SPTBN5: variants seen among roughly 807,000 people sequenced by gnomAD.
SPTBN5 encodes spectrin beta chain, non-erythrocytic 5.
SPTBN5 carries 513 observed loss-of-function variants against 477.6 expected under a neutral mutation model. The ratio of observed to expected loss-of-function variants is 1.07; its 90% CI spans 1.00 to 1.16. The LOEUF is 1.16. Ranked by LOEUF, SPTBN5 falls within the 50% of genes most tolerant of loss-of-function variation. The probability of loss-of-function intolerance (pLI) is 0.00; values close to 1 mark genes in which losing one functional copy is unlikely to be tolerated. For synonymous variants in SPTBN5, 2,169 were observed against 2,011.7 expected (o/e 1.08, Z -2.09); for missense variants, 5,062 against 4,731.8 (o/e 1.07, Z -2.05).
chr15:41,852,619 C>T lies in SPTBN5; in HGVS notation c.10449+15G>A, dbSNP rs763547787. 43 of 1,612,080 alleles carry T rather than the reference C, an allele frequency of 2.7e-5. No homozygotes were observed. In the Admixed American group the frequency reaches 3.0e-4, roughly 11 times the overall value. On this transcript the variant is annotated intron_variant, in intron 61 of 67. Transcript: ENST00000320955. ...CCCCCACCAGCCCTCAGCCCCTAGC[C>T]GAGGCAGTCGTCACCTCTGTCTTTT... is the stretch of plus-strand genomic sequence containing the variant.
Position 41,854,879 on chromosome 15 carries a change from C to CG in SPTBN5, c.9520dup (p.Arg3174ProfsTer18), listed in dbSNP as rs763599351. On this transcript the variant is annotated frameshift_variant, in exon 56 of 68. Coordinates refer to ENST00000320955, the MANE Select transcript of SPTBN5 (RefSeq NM_016642.4). LOFTEE classifies it high-confidence loss of function. ...GTGGGGATAGCGCCTGGGTGCACCC[C>CG]GCTCCAGGGTGCCTGCCAACTTCCT... The CG allele has an allele frequency of 8.2e-4, 1,327 of 1,609,578 alleles. No individual in the cohort carries two copies. The highest frequency in any genetic ancestry group is 1.2e-3 in the Admixed American group (72 of 59,556).
intron 59 of SPTBN5, 26 bp downstream of exon 59, chr15:41,853,232 C>T (rs755333117): frequency 2.6e-6 from 4 of 1,563,336 alleles, no homozygotes; most frequent in Non-Finnish European, 2.6e-6. Context: ...CCAGCCCAAC[C>T]CCAGGCCCAC....
chr15:41,851,943 C>A, intron 62 of SPTBN5, 93 bp from the exon 63 acceptor site: 1 of 1,091,242 alleles, frequency 9.2e-7, no homozygotes. Context: ...CTTTATTCCT[C>A]CCATCCAAGT....
At position 41,848,277 on chromosome 15, in the gene SPTBN5, C is replaced by G. The variant is rs767338845; in HGVS notation, c.*339G>C. 3.9e-6 allele frequency: 2 copies of G among 508,202 alleles called. No individual in the cohort carries two copies. Among genetic ancestry groups the G allele is most frequent in the African/African-American group, 1.9e-5 (1 of 51,994 alleles). 31.5% of individuals were successfully genotyped at this position (508,202 alleles called of 1,614,324 possible). Reference sequence around the variant, plus strand: ...TCCTCCGAAGAGCACATTCTCTGCACACGTCTGCGTCTACCTGTGCTCAGA... The same window carrying G: ...TCCTCCGAAGAGCACATTCTCTGCAGACGTCTGCGTCTACCTGTGCTCAGA... On this transcript the variant is annotated 3_prime_UTR_variant, in exon 68 of 68. Coordinates refer to ENST00000320955, the MANE Select transcript of SPTBN5 (RefSeq NM_016642.4).
At chr15:41,861,320 G>A in intron 46 of SPTBN5, 99 bp downstream of exon 46, 1 of 1,072,246 alleles carries the variant, frequency 9.3e-7, no homozygotes, top group Non-Finnish European at 1.4e-6. Flanking sequence ...CCGAAGGGGA[G>A]GATCCCTGGC....
intron 24 of SPTBN5, 92 bp from the exon 25 acceptor site, chr15:41,874,137 A>G: frequency 2.6e-6 from 4 of 1,514,286 alleles, no homozygotes; most frequent in Non-Finnish European, 3.6e-6. Context: ...AATCATGGCA[A>G]GACCCCCAGG....
At chr15:41,890,022 G>A in intron 4 of SPTBN5, 67 bp downstream of exon 4, 3 of 989,940 alleles carry the variant, frequency 3.0e-6, no homozygotes, top group Middle Eastern at 2.0e-4. Context: ...TGAATCCCCA[G>A]GGGTCTGAGG....
In SPTBN5 at chr15:41,848,254, C is replaced by G. The variant is rs906425870; in HGVS notation, c.*362G>C. On this transcript the variant is annotated 3_prime_UTR_variant, in exon 68 of 68. Transcript: ENST00000320955. ...CAGAGCTCGCTCATCAGTGTTCTTCCTCCGAAGAGCACATTCTCTGCACAC... is the reference window on the plus strand; with the variant it reads ...CAGAGCTCGCTCATCAGTGTTCTTCGTCCGAAGAGCACATTCTCTGCACAC... 4 of 494,896 alleles carry G rather than the reference C, an allele frequency of 8.1e-6. No individual in the cohort carries two copies. Among genetic ancestry groups the G allele is most frequent in the Non-Finnish European group, 1.5e-5 (4 of 272,290 alleles). The allele number at this position is 494,896 out of a possible 1,614,324, so 30.7% of individuals were successfully genotyped here.
chr15:41,864,728 C>A (rs2066238958), intron 39 of SPTBN5, among the ~76,000 whole-genome samples: 1 of 152,244 alleles, frequency 6.6e-6, no homozygotes, highest in Admixed American at 6.5e-5. Context: ...CACCCCAGGA[C>A]TCGTCTGAGC....
At chr15:41,890,337 C>T (rs2067273126) in intron 3 of SPTBN5, 132 bp from the exon 4 acceptor site, 2 of 655,794 alleles carry the variant, frequency 3.0e-6, no homozygotes, top group Admixed American at 2.4e-5. Flanking sequence ...GGAGTTCCCT[C>T]AGGGAGAAGC....
intron 49 of SPTBN5, 118 bp from the exon 50 acceptor site, chr15:41,857,828 T>C (rs891714816): frequency 3.0e-5 from 38 of 1,260,324 alleles, no homozygotes; most frequent in Non-Finnish European, 3.7e-5. Flanking sequence ...AGCTGCATGA[T>C]CTTGAGCAAC....
At chr15:41,856,804 A>G (rs1397019618) in intron 52 of SPTBN5, 49 bp downstream of exon 52, 1 of 1,501,270 alleles carries the variant, frequency 6.7e-7, no homozygotes, top group Non-Finnish European at 9.0e-7. Flanking sequence ...TCCTTGGCTG[A>G]GAAGCCCTGC....
At chr15:41,892,100 G>C (rs1784688361) in intron 3 of SPTBN5, among the ~76,000 whole-genome samples, 1 of 152,140 alleles carries the variant, frequency 6.6e-6, no homozygotes, top group South Asian at 2.1e-4. Context: ...CTTTGCTTGG[G>C]CTTCTCCCCT....
chr15:41,856,625 G>C (rs199559238), intron 52 of SPTBN5, 27 bp from the exon 53 acceptor site: 2 of 1,541,420 alleles, frequency 1.3e-6, no homozygotes, highest in African/African-American at 1.4e-5. Context: ...AGGAGGATGC[G>C]GATGTTGCTG....
chr15:41,886,957 C>T (rs549264539), intron 6 of SPTBN5, among the ~76,000 whole-genome samples: 29 of 152,328 alleles, frequency 1.9e-4, no homozygotes, highest in South Asian at 1.0e-3. Flanking sequence ...AAGGGGGAGG[C>T]CCAGGAAGGG....
intron 35 of SPTBN5, among the ~76,000 whole-genome samples, 160 bp downstream of exon 35, chr15:41,867,378 G>A (rs1339624023): frequency 6.6e-6 from 1 of 152,110 alleles, no homozygotes; most frequent in East Asian, 1.9e-4. Flanking sequence ...CTCTTCTTGA[G>A]CCACACATAC....
intron 67 of SPTBN5, 141 bp downstream of exon 67, chr15:41,849,728 C>G (rs915549514): frequency 9.1e-6 from 6 of 658,606 alleles, no homozygotes; most frequent in Non-Finnish European, 1.3e-5. Context: ...TGGGCAGGGG[C>G]AGCTGAGGGT....
intron 53 of SPTBN5, 24 bp from the exon 54 acceptor site, chr15:41,855,769 C>A: frequency 6.5e-7 from 1 of 1,538,132 alleles, no homozygotes; most frequent in East Asian, 2.4e-5. Context: ...AGTGGAGATC[C>A]GTTTTCCCGG....
chr15:41,876,658 G>GGGA lies in SPTBN5; in HGVS notation c.3852-12_3852-11insTCC. 1 of 1,458,266 alleles carries GGGA rather than the reference G, an allele frequency of 6.9e-7. No homozygotes were observed. 90.3% of individuals were successfully genotyped at this position (1,458,266 alleles called of 1,614,324 possible). On this transcript the variant is annotated splice_polypyrimidine_tract_variant and intron_variant, in intron 19 of 67. Transcript: ENST00000320955. ...AGCTGCTCTCTGACCCTGGAGGGCG[G>GGGA]GGGGGGGTTGGAGGAGGGCATGGGA...
Sources: allele counts gnomAD v4.1 joint callset (sites outside exome capture counted in the v4.1 genomes callset), GRCh38; gene constraint gnomAD v4.1.1; transcripts MANE v1.5; gene names NCBI Gene and HGNC (gene_info 2026-07-23, HGNC 2026-07-21).